ZNF727: variants seen among roughly 807,000 people sequenced by gnomAD.
The protein encoded by ZNF727 is putative zinc finger protein 727.
A neutral mutation model predicts 11.5 loss-of-function variants in ZNF727; 11 were observed. That is an observed-to-expected ratio of 0.95 (90% CI 0.60 to 1.58). ZNF727 has a LOEUF of 1.58. Ranked by LOEUF, ZNF727 falls within the 40% of genes most tolerant of loss-of-function variation. The pLI is 0.00. For synonymous variants in ZNF727, 171 were observed against 196.1 expected, an observed-to-expected ratio of 0.87 and a Z score of 1.07; for missense variants, 533 against 581.7, an observed-to-expected ratio of 0.92 and a Z score of 0.86.
At chr7:64,060,051 C>T (rs1272006222) in intron 1 of ZNF727, among the ~76,000 whole-genome samples, 1 of 151,912 alleles carries the variant, frequency 6.6e-6, no homozygotes, top group Non-Finnish European at 1.5e-5. Context: ...TGAATATAGC[C>T]AATTTAAATT....
intron 3 of ZNF727, among the ~76,000 whole-genome samples, chr7:64,070,410 G>A (rs1458618759): frequency 6.7e-6 from 1 of 150,338 alleles, no homozygotes; most frequent in Non-Finnish European, 1.5e-5. Flanking sequence ...TTAGTATAAA[G>A]CTTACTGTGA....
intron 3 of ZNF727, among the ~76,000 whole-genome samples, chr7:64,074,055 G>A (rs1388476902): frequency 2.6e-5 from 4 of 152,078 alleles, no homozygotes; most frequent in African/African-American, 9.7e-5. Context: ...TGGTGTTGAG[G>A]GAAAGAAAGG....
At chr7:64,047,245 A>G (rs1217653394) in intron 1 of ZNF727, among the ~76,000 whole-genome samples, 3 of 152,292 alleles carry the variant, frequency 2.0e-5, no homozygotes, top group Admixed American at 1.3e-4. Context: ...CACATTCCCC[A>G]ATGCCGACTA....
intron 1 of ZNF727, among the ~76,000 whole-genome samples, chr7:64,068,354 G>A (rs1230518570): frequency 6.6e-6 from 1 of 151,998 alleles, no homozygotes; most frequent in Non-Finnish European, 1.5e-5. Context: ...TTACTGGTCA[G>A]ATAAACTAAA....
intron 3 of ZNF727, among the ~76,000 whole-genome samples, chr7:64,073,830 T>G (rs1265995378): frequency 6.6e-6 from 1 of 152,182 alleles, no homozygotes; most frequent in Non-Finnish European, 1.5e-5. Flanking sequence ...TAGTTGACTG[T>G]GGCATTGCAA....
chr7:64,064,097 A>G (rs182001684), intron 1 of ZNF727, among the ~76,000 whole-genome samples: 1 of 152,216 alleles, frequency 6.6e-6, no homozygotes, highest in African/African-American at 2.4e-5. Flanking sequence ...CAGTGACCTC[A>G]GGAGCTATCT....
Position 64,045,522 on chromosome 7 carries a change from A to C in ZNF727, c.-100A>C. The C allele has an allele frequency of 1.3e-6, 2 of 1,487,246 alleles. No homozygotes were observed. Among genetic ancestry groups the C allele is most frequent in the Non-Finnish European group, 1.8e-6 (2 of 1,088,444 alleles). The allele number at this position is 1,487,246 out of a possible 1,614,324, so 92.1% of individuals were successfully genotyped here. A position where few individuals can be genotyped will look rare whatever the true frequency, so the allele number is the denominator to read the frequency against. On this transcript the variant is annotated 5_prime_UTR_variant, in exon 1 of 4. Transcript: ENST00000456806. ...TGTACTATTCCATCTCTTCCGCTCC[A>C]TTAGCTCCTCGGTGACTCCACCATA... is the stretch of plus-strand genomic sequence containing the variant.
intron 3 of ZNF727, among the ~76,000 whole-genome samples, chr7:64,076,655 A>T (rs1326904175): frequency 6.6e-6 from 1 of 152,180 alleles, no homozygotes; most frequent in African/African-American, 2.4e-5. Flanking sequence ...AATGTGCCAT[A>T]TGTACTTGAG....
intron 1 of ZNF727, among the ~76,000 whole-genome samples, chr7:64,058,724 T>C (rs995483997): frequency 6.6e-6 from 1 of 152,156 alleles, no homozygotes; most frequent in African/African-American, 2.4e-5. Flanking sequence ...TCTAAATTAT[T>C]CCAGGCCTCA....
At chr7:64,067,686 A>G (rs935446633) in intron 1 of ZNF727, among the ~76,000 whole-genome samples, 3 of 152,142 alleles carry the variant, frequency 2.0e-5, no homozygotes, top group African/African-American at 4.8e-5. Context: ...GAGTCGAACA[A>G]TGAGAACATG....
chr7:64,061,784 C>T (rs925554387), intron 1 of ZNF727, among the ~76,000 whole-genome samples: 1 of 151,294 alleles, frequency 6.6e-6, no homozygotes, highest in Non-Finnish European at 1.5e-5. Flanking sequence ...TCCCATTTAT[C>T]CTGTCTTTAT....
intron 3 of ZNF727, among the ~76,000 whole-genome samples, 193 bp downstream of exon 3, chr7:64,069,802 A>T (rs75373929): frequency 0.023 from 3,567 of 151,808 alleles, 173 homozygotes; most frequent in East Asian, 0.18. Context: ...AGCACTGTAC[A>T]TCCCCTTCAG....
chr7:64,065,668 T>A (rs1406379713), intron 1 of ZNF727, among the ~76,000 whole-genome samples: 2 of 152,226 alleles, frequency 1.3e-5, no homozygotes, highest in Non-Finnish European at 2.9e-5. Flanking sequence ...CTTTTTCTTC[T>A]GAAATATCAC....
At chr7:64,058,653 A>AT (rs1789723073) in intron 1 of ZNF727, among the ~76,000 whole-genome samples, 1 of 152,132 alleles carries the variant, frequency 6.6e-6, no homozygotes, top group Non-Finnish European at 1.5e-5. Flanking sequence ...CTAACTCTGG[A>AT]TTTTCCCCTG....
rs191923478 is a variant in ZNF727 at position 64,080,211 on chromosome 7, G to T, written c.*1662G>T. 6.6e-6 allele frequency among the ~76,000 whole-genome samples: 1 copy of T among 152,020 alleles called. No individual in the cohort carries two copies. The highest frequency in any genetic ancestry group is 1.9e-4 in the East Asian group (1 of 5,152). Reference sequence around the variant, plus strand: ...TTGAATGTTGGCCTCTCTAGTTTGGGGAAATTCTCATGGATGGTATCCCGA... The same window carrying T: ...TTGAATGTTGGCCTCTCTAGTTTGGTGAAATTCTCATGGATGGTATCCCGA... On this transcript the variant is annotated 3_prime_UTR_variant, in exon 4 of 4. Coordinates refer to ENST00000456806, the MANE Select transcript of ZNF727 (RefSeq NM_001159522.3).
intron 1 of ZNF727, among the ~76,000 whole-genome samples, chr7:64,049,712 A>G (rs1200333668): frequency 1.3e-5 from 2 of 151,598 alleles, no homozygotes; most frequent in Non-Finnish European, 3.0e-5. Context: ...AACCAAAAAT[A>G]TTTAGCTTAA....
chr7:64,078,932 A>T lies in ZNF727; in HGVS notation c.*383A>T, dbSNP rs1490081951. Among the ~76,000 whole-genome samples the T allele has an allele frequency of 7.0e-6, 1 of 142,370 alleles. No homozygotes were observed. Among genetic ancestry groups the T allele is most frequent in the African/African-American group, 2.6e-5 (1 of 38,510 alleles). The allele number at this position is 142,370 out of a possible 152,430, so 93.4% of individuals were successfully genotyped here. On this transcript the variant is annotated 3_prime_UTR_variant, in exon 4 of 4. Coordinates refer to ENST00000456806, the MANE Select transcript of ZNF727 (RefSeq NM_001159522.3). The stretch of plus-strand genomic sequence containing the variant: ...ATGTAATGAATGTGGAAAAGGTTTT[A>T]TGTGGATCTCGGCCCTTAGAAAACA...
chr7:64,053,317 T>G (rs932629356), intron 1 of ZNF727, among the ~76,000 whole-genome samples: 1 of 151,944 alleles, frequency 6.6e-6, no homozygotes, highest in Non-Finnish European at 1.5e-5. Context: ...TTGTTGTTGT[T>G]GTTGTTGTTG....
rs182348689 is a variant in ZNF727 at position 64,084,900 on chromosome 7, T to C, written c.*6351T>C. ...AAACAGATAATTTTACATGTGTTGA[T>C]ATCTTGCCAGCAAACCAGTAATTTC... On this transcript the variant is annotated 3_prime_UTR_variant, in exon 4 of 4. Coordinates refer to ENST00000456806, the MANE Select transcript of ZNF727 (RefSeq NM_001159522.3). Among the ~76,000 whole-genome samples the C allele has an allele frequency of 6.6e-6, 1 of 152,322 alleles. No homozygotes were observed. The highest frequency in any genetic ancestry group is 2.4e-5 in the African/African-American group (1 of 41,592).
Sources: allele counts gnomAD v4.1 joint callset (sites outside exome capture counted in the v4.1 genomes callset), GRCh38; gene constraint gnomAD v4.1.1; transcripts MANE v1.5; gene names NCBI Gene and HGNC (gene_info 2026-07-23, HGNC 2026-07-21).